HYDIN: variants seen among roughly 807,000 people sequenced by gnomAD.
HYDIN encodes HYDIN axonemal central pair apparatus protein.
HYDIN carries 132 observed loss-of-function variants against 403.9 expected under a neutral mutation model. That is an observed-to-expected ratio of 0.33 (90% CI 0.28 to 0.38). HYDIN has a LOEUF of 0.38. HYDIN is among the 10% of genes least tolerant of loss of function. The pLI, the probability that HYDIN is intolerant of heterozygous loss-of-function variation, is 1.00. For missense variants in HYDIN, 2,827 were observed against 5,009.5 expected (o/e 0.56, Z 13.15); for synonymous variants, 1,202 against 1,891.7 (o/e 0.64, Z 9.46).
At chr16:71,175,063 T>A (rs1035649690) in intron 5 of HYDIN, among the ~76,000 whole-genome samples, 12 of 151,024 alleles carry the variant, frequency 7.9e-5, no homozygotes, top group Non-Finnish European at 1.5e-4. Context: ...ACCACCACCA[T>A]CTACACCACC....
intron 9 of HYDIN, among the ~76,000 whole-genome samples, chr16:71,129,406 G>C (rs1181127605): frequency 6.6e-6 from 1 of 152,206 alleles, no homozygotes; most frequent in South Asian, 2.1e-4. Context: ...ATAATCCCTA[G>C]GAAGTGGTTA....
chr16:71,221,270 A>C (rs2089185496), intron 1 of HYDIN, among the ~76,000 whole-genome samples: 2 of 152,094 alleles, frequency 1.3e-5, no homozygotes, highest in Admixed American at 1.3e-4. Context: ...AAAAAAAAAA[A>C]ACCCTGAAAG....
intron 12 of HYDIN, among the ~76,000 whole-genome samples, chr16:71,085,667 A>G (rs2082911187): frequency 6.6e-6 from 1 of 152,154 alleles, no homozygotes; most frequent in African/African-American, 2.4e-5. Context: ...TAATTGCCAT[A>G]TCTTTTTGAT....
intron 5 of HYDIN, among the ~76,000 whole-genome samples, chr16:71,173,372 TGA>T (rs1470504818): frequency 6.6e-6 from 1 of 152,192 alleles, no homozygotes; most frequent in Non-Finnish European, 1.5e-5. Flanking sequence ...ATAAAAGAGC[TGA>T]GAGTAAGATA....
intron 1 of HYDIN, among the ~76,000 whole-genome samples, chr16:71,227,161 G>GTA (rs1417938862): frequency 9.9e-5 from 15 of 151,644 alleles, no homozygotes; most frequent in African/African-American, 3.7e-4. Context: ...GTGTGTGTGT[G>GTA]TGTATATATA....
chr16:71,062,047 A>T, intron 17 of HYDIN, 122 bp downstream of exon 17: 1 of 786,652 alleles, frequency 1.3e-6, no homozygotes, highest in Non-Finnish European at 2.0e-6. Flanking sequence ...AAAACATAAA[A>T]CCCTACAACT....
At chr16:71,063,768 AAC>A (rs1262381774) in intron 16 of HYDIN, among the ~76,000 whole-genome samples, 2 of 152,126 alleles carry the variant, frequency 1.3e-5, no homozygotes, top group Non-Finnish European at 2.9e-5. Context: ...TTTCAGATTA[AAC>A]ACACATATGA....
At chr16:71,082,926 A>G (rs2082827305) in intron 12 of HYDIN, among the ~76,000 whole-genome samples, 2 of 151,562 alleles carry the variant, frequency 1.3e-5, no homozygotes, top group African/African-American at 4.9e-5. Flanking sequence ...TCACAAATAT[A>G]TGCAACCATC....
chr16:70,901,263 T>C, intron 52 of HYDIN, 61 bp from the exon 53 acceptor site: 1 of 1,416,460 alleles, frequency 7.1e-7, no homozygotes, highest in Non-Finnish European at 9.8e-7. Flanking sequence ...ATGTGTTTTT[T>C]TTTTAACTTT....
chr16:70,926,216 G>A (rs555065688), intron 45 of HYDIN, among the ~76,000 whole-genome samples: 2 of 150,888 alleles, frequency 1.3e-5, no homozygotes, highest in Non-Finnish European at 3.0e-5. Context: ...CAACCCAAAT[G>A]TCCAACAATG....
At chr16:71,019,671 TTTACA>T (rs1161516561) in intron 22 of HYDIN, among the ~76,000 whole-genome samples, 7 of 152,354 alleles carry the variant, frequency 4.6e-5, no homozygotes, top group African/African-American at 1.7e-4. Context: ...GATACAAAAA[TTTACA>T]TTATATATAA....
At chr16:71,044,727 C>T (rs894534967) in intron 18 of HYDIN, among the ~76,000 whole-genome samples, 7 of 137,224 alleles carry the variant, frequency 5.1e-5, no homozygotes, top group African/African-American at 1.6e-4. Context: ...AGAACGCCAT[C>T]GCATTTCTAA....
At chr16:71,038,010 C>A (rs374522693) in intron 18 of HYDIN, among the ~76,000 whole-genome samples, 19 of 152,244 alleles carry the variant, frequency 1.2e-4, no homozygotes, top group African/African-American at 4.3e-4. Flanking sequence ...AAAAAATGAG[C>A]CTTCCTAAGC....
At chr16:71,224,564 T>TC (rs1567474559) in intron 1 of HYDIN, among the ~76,000 whole-genome samples, 1 of 144,942 alleles carries the variant, frequency 6.9e-6, no homozygotes, top group Non-Finnish European at 1.5e-5. Flanking sequence ...TTTTTCTTTT[T>TC]TTTTTTTTTT....
At chr16:71,016,147 G>T (rs1360398176) in intron 23 of HYDIN, among the ~76,000 whole-genome samples, 3 of 152,136 alleles carry the variant, frequency 2.0e-5, no homozygotes, top group Non-Finnish European at 2.9e-5. Flanking sequence ...AAACTAAAAA[G>T]CTTCTGCGCA....
At chr16:70,940,564 T>C (rs1239100845) in intron 43 of HYDIN, among the ~76,000 whole-genome samples, 1 of 151,804 alleles carries the variant, frequency 6.6e-6, no homozygotes, top group African/African-American at 2.4e-5. Context: ...CTGGGAGAAA[T>C]TTCATTCTGA....
intron 47 of HYDIN, among the ~76,000 whole-genome samples, chr16:70,909,758 C>T (rs1050606031): frequency 7.2e-6 from 1 of 138,144 alleles, no homozygotes; most frequent in African/African-American, 2.8e-5. Context: ...TGCAGTGGTG[C>T]CATCTCAGCT....
At chr16:71,189,592 C>T (rs962482578) in intron 1 of HYDIN, among the ~76,000 whole-genome samples, 1 of 151,942 alleles carries the variant, frequency 6.6e-6, no homozygotes, top group Non-Finnish European at 1.5e-5. Context: ...ACAGTGAAAC[C>T]CTGCCTCTAC....
At chr16:71,163,120 T>G (rs112916342) in intron 5 of HYDIN, among the ~76,000 whole-genome samples, 2 of 68,136 alleles carry the variant, frequency 2.9e-5, no homozygotes, top group African/African-American at 8.4e-5. Flanking sequence ...ATGATGTTTC[T>G]TTTTTTTTTT....
Sources: allele counts gnomAD v4.1 joint callset (sites outside exome capture counted in the v4.1 genomes callset), GRCh38; gene constraint gnomAD v4.1.1; transcripts MANE v1.5; gene names NCBI Gene and HGNC (gene_info 2026-07-23, HGNC 2026-07-21).